MMP8: variants seen among roughly 807,000 people sequenced by gnomAD.
MMP8 encodes the protein matrix metallopeptidase 8.
MMP8 carries 67 observed loss-of-function variants against 51.2 expected under a neutral mutation model. The observed-to-expected ratio is 1.31, with a 90% confidence interval of 1.08 to 1.60. The LOEUF (loss-of-function observed/expected upper bound fraction) is 1.60. MMP8 is among the 40% of genes most tolerant of loss of function. The pLI is 0.00. For synonymous variants in MMP8, 225 were observed against 191.0 expected (o/e 1.18, Z -1.47); for missense variants, 654 against 558.1 (o/e 1.17, Z -1.73).
intron 4 of MMP8, among the ~76,000 whole-genome samples, chr11:102,719,679 A>G (rs1308373806): frequency 1.3e-5 from 2 of 152,226 alleles, no homozygotes. Flanking sequence ...GTTTCTTATC[A>G]TCACATCCTT....
At chr11:102,723,862 G>A (rs1031990100) in intron 1 of MMP8, 12 of 261,072 alleles carry the variant, frequency 4.6e-5, no homozygotes, top group Non-Finnish European at 8.3e-5. Flanking sequence ...AATCAGACAG[G>A]CCTGGGTTCA....
chr11:102,715,345 G>A lies in MMP8; in HGVS notation c.995C>T (p.Ala332Val), dbSNP rs1861258568. 15 of 1,613,182 alleles carry A rather than the reference G, an allele frequency of 9.3e-6. No individual in the cohort carries two copies. In the East Asian group the frequency reaches 3.3e-4, roughly 36 times the overall value. ...WPSLPTGIQAAYEDFDRDLIF... is the reference protein window; with the variant it reads ...WPSLPTGIQAVYEDFDRDLIF... ...GAGGTCTCTGTCAAAATCTTCATAAGCAGCCTGTATACCAGTTGGAAGGGA... is the reference window on the plus strand; with the variant it reads ...GAGGTCTCTGTCAAAATCTTCATAAACAGCCTGTATACCAGTTGGAAGGGA... The change falls in exon 7 of 10, where the codon GCT (alanine) becomes GTT (valine). Residue 332 changes from alanine to valine, a missense_variant. By Grantham distance (64) the Ala-to-Val change is moderately conservative. Coordinates refer to ENST00000236826, the MANE Select transcript of MMP8 (RefSeq NM_002424.3).
chr11:102,722,736 T>C (rs1240627552), intron 1 of MMP8, 63 bp from the exon 2 acceptor site: 2 of 1,586,474 alleles, frequency 1.3e-6, no homozygotes, highest in South Asian at 1.1e-5. Context: ...CTGGTCATTT[T>C]GCAACCCTTT....
At position 102,716,306 on chromosome 11, in the gene MMP8, C is replaced by A; in HGVS notation, c.898G>T (p.Asp300Tyr). ...TLRGEILFFK[D>Y]RYFWRRHPQL... ...AGAAATATTTCAATTTTATACCTGT[C>A]TTTAAAGAAAAGTATTTCTCCACGG... is the stretch of plus-strand genomic sequence containing the variant. The change falls in exon 6 of 10, where the codon GAC becomes TAC. Residue 300 changes from aspartate (D) to tyrosine (Y), a missense_variant. Asp to Tyr is a radical substitution (Grantham distance 160). Coordinates refer to ENST00000236826, the MANE Select transcript of MMP8 (RefSeq NM_002424.3). 1 of 1,564,942 alleles carries A rather than the reference C, an allele frequency of 6.4e-7. No homozygotes were observed. Among genetic ancestry groups the A allele is most frequent in the Non-Finnish European group, 8.7e-7 (1 of 1,147,954 alleles).
chr11:102,714,066 C>G (rs1591671152), intron 8 of MMP8, among the ~76,000 whole-genome samples: 1 of 152,136 alleles, frequency 6.6e-6, no homozygotes, highest in East Asian at 1.9e-4. Flanking sequence ...AATTCTAAAA[C>G]AGGCTTGATG....
At position 102,712,350 on chromosome 11, in the gene MMP8, T is replaced by C. The variant is rs1196710979; in HGVS notation, c.*998A>G. On this transcript the variant is annotated 3_prime_UTR_variant, in exon 10 of 10. Coordinates refer to ENST00000236826, the MANE Select transcript of MMP8 (RefSeq NM_002424.3). ...TAGTCCTTAGCAAGGGTTCTACTTC[T>C]GCATTCTGTGTTGATTCATTTTCAT... The C allele has an allele frequency of 1.3e-5, 2 of 152,264 alleles. No homozygotes were observed. Among genetic ancestry groups the C allele is most frequent in the Non-Finnish European group, 2.9e-5 (2 of 68,086 alleles). The allele number at this position is 152,264 out of a possible 1,614,324, so 9.4% of individuals were successfully genotyped here. A position where few individuals can be genotyped will look rare whatever the true frequency, so the allele number is the denominator to read the frequency against.
Position 102,712,858 on chromosome 11 carries a change from C to T in MMP8, c.*490G>A, listed in dbSNP as rs1364634337. 1 of 152,562 alleles carries T rather than the reference C, an allele frequency of 6.6e-6. No homozygotes were observed. The highest frequency in any genetic ancestry group is 1.5e-5 in the Non-Finnish European group (1 of 68,338). 9.5% of individuals were successfully genotyped at this position (152,562 alleles called of 1,614,324 possible). A position where few individuals can be genotyped will look rare whatever the true frequency, so the allele number is the denominator to read the frequency against. On this transcript the variant is annotated 3_prime_UTR_variant, in exon 10 of 10. Coordinates refer to ENST00000236826, the MANE Select transcript of MMP8 (RefSeq NM_002424.3). ...CAATTCAACCCACGAAACATATCAT[C>T]TACATTTCTTTCCAAGGGTAGAAAA...
intron 5 of MMP8, among the ~76,000 whole-genome samples, chr11:102,718,115 A>C (rs529697900): frequency 1.1e-4 from 16 of 139,952 alleles, no homozygotes; most frequent in African/African-American, 3.5e-4. Flanking sequence ...CCCCCCCCCA[A>C]AAAAAATTTA....
At chr11:102,714,499 A>T in intron 8 of MMP8, 57 bp downstream of exon 8, 2 of 1,217,938 alleles carry the variant, frequency 1.6e-6, no homozygotes, top group Non-Finnish European at 2.1e-6. Flanking sequence ...GAAGGTTTGT[A>T]AGCAGGGTAG....
intron 6 of MMP8, 95 bp from the exon 7 acceptor site, chr11:102,715,532 G>A (rs763088539): frequency 1.2e-4 from 178 of 1,459,218 alleles, no homozygotes; most frequent in Middle Eastern, 2.0e-4. Flanking sequence ...GTCCTTGTAG[G>A]ATTGCTGGGA....
intron 2 of MMP8, 77 bp from the exon 3 acceptor site, chr11:102,721,839 T>C: frequency 1.3e-6 from 2 of 1,509,704 alleles, no homozygotes; most frequent in Non-Finnish European, 1.8e-6. Flanking sequence ...TTGTTCTGTT[T>C]TGAAGTGAGT....
Position 102,716,362 on chromosome 11 carries a change from G to A in MMP8, c.842C>T (p.Pro281Leu), listed in dbSNP as rs1485880709. The change falls in exon 6 of 10, where the codon CCC becomes CTC. Residue 281 changes from proline to leucine, a missense_variant. Transcript: ENST00000236826. The part of the protein sequence containing the change: ...TGPSTPKPCD[P>L]SLTFDAITTL... ...GGTGATAGCATCAAATGTCAAACTG[G>A]GGTCACAGGGTTTGGGTGTGCTTGG... 1 of 1,609,624 alleles carries A rather than the reference G, an allele frequency of 6.2e-7. No homozygotes were observed. Among genetic ancestry groups the A allele is most frequent in the Admixed American group, 1.7e-5 (1 of 59,758 alleles).
intron 7 of MMP8, 42 bp from the exon 8 acceptor site, chr11:102,714,751 T>C (rs1861231240): frequency 8.3e-6 from 8 of 966,596 alleles, no homozygotes; most frequent in African/African-American, 1.9e-5. Flanking sequence ...GACTTTTCCA[T>C]TTTTACAAAA....
chr11:102,716,469 T>G (rs775426218), intron 5 of MMP8, 50 bp from the exon 6 acceptor site: 1 of 1,201,570 alleles, frequency 8.3e-7, no homozygotes, highest in Non-Finnish European at 1.2e-6. Context: ...TGAGAGTAAG[T>G]CCGGTGTGAC....
In MMP8 at chr11:102,713,171, T is replaced by TGCAAATA; in HGVS notation, c.*170_*176dup. Reference sequence around the variant, plus strand: ...AATGTGTAAGAACTGAATAAGCCTCTGCAAATAGTGGAATATTCCAAACAT... The same window carrying TGCAAATA: ...AATGTGTAAGAACTGAATAAGCCTCTGCAAATAGCAAATAGTGGAATATTCCAAACAT... On this transcript the variant is annotated 3_prime_UTR_variant, in exon 10 of 10. Transcript: ENST00000236826. 1.8e-6 allele frequency: 1 copy of TGCAAATA among 565,746 alleles called. No homozygotes were observed. 35.0% of individuals were successfully genotyped at this position (565,746 alleles called of 1,614,324 possible). A position where few individuals can be genotyped will look rare whatever the true frequency, so the allele number is the denominator to read the frequency against.
chr11:102,722,301 C>T, intron 2 of MMP8, 128 bp downstream of exon 2: 1 of 1,033,360 alleles, frequency 9.7e-7, no homozygotes, highest in South Asian at 1.7e-5. Flanking sequence ...TCATTCACTA[C>T]TCACACTCTT....
chr11:102,719,783 G>A lies in MMP8; in HGVS notation c.623-1208C>T, dbSNP rs140438834. 4.1e-4 allele frequency among the ~76,000 whole-genome samples: 63 copies of A among 152,340 alleles called. No individual in the cohort carries two copies. The East Asian group carries it at 8.3e-3, about 20-fold the overall frequency. On this transcript the variant is annotated intron_variant, in intron 4 of 9. Transcript: ENST00000236826. ...TGTGGGCAATTTGTTGTGGTTCTCT[G>A]CTCTACAGGGAGTGCATAGTCTAGA...
At position 102,721,416 on chromosome 11, in the gene MMP8, T is replaced by C; in HGVS notation, c.607A>G (p.Thr203Ala). Reference sequence around the variant, plus strand: ...ATTAACTTACTTGCGGAGGTGTTGGTCCATGTTTCTTCGGCATCAAAATGA... The same window carrying C: ...ATTAACTTACTTGCGGAGGTGTTGGCCCATGTTTCTTCGGCATCAAAATGA... ...DAHFDAEETW[T>A]NTSANYNLFL... The change falls in exon 4 of 10, where the codon ACC (threonine) becomes GCC (alanine). Residue 203 changes from threonine (T) to alanine (A), a missense_variant. Physicochemically the swap from Thr to Ala is moderately conservative, Grantham distance 58. Coordinates refer to ENST00000236826, the MANE Select transcript of MMP8 (RefSeq NM_002424.3). 6.2e-7 allele frequency: 1 copy of C among 1,613,748 alleles called. No homozygotes were observed. Among genetic ancestry groups the C allele is most frequent in the South Asian group, 1.1e-5 (1 of 91,072 alleles).
chr11:102,717,740 G>A (rs1329182392), intron 5 of MMP8, among the ~76,000 whole-genome samples: 1 of 152,204 alleles, frequency 6.6e-6, no homozygotes, highest in East Asian at 1.9e-4. Flanking sequence ...GGATCTACAT[G>A]AGAATTTCTT....
Sources: allele counts gnomAD v4.1 joint callset (sites outside exome capture counted in the v4.1 genomes callset), GRCh38; gene constraint gnomAD v4.1.1; transcripts MANE v1.5; gene names NCBI Gene and HGNC (gene_info 2026-07-23, HGNC 2026-07-21).